PTPRM: variants seen among roughly 807,000 people sequenced by gnomAD.
The protein encoded by PTPRM is protein tyrosine phosphatase receptor type M.
In PTPRM, 47 loss-of-function variants were observed where a neutral mutation model predicts 186.7. The ratio of observed to expected loss-of-function variants is 0.25; its 90% CI spans 0.20 to 0.32. The LOEUF (loss-of-function observed/expected upper bound fraction) is 0.32. PTPRM is among the 10% of genes least tolerant of loss of function. PTPRM has a pLI of 1.00. For missense variants in PTPRM, 1,494 were observed against 1,865.0 expected, an observed-to-expected ratio of 0.80 and a Z score of 3.66; for synonymous variants, 668 against 674.9, an observed-to-expected ratio of 0.99 and a Z score of 0.16.
intron 7 of PTPRM, among the ~76,000 whole-genome samples, chr18:8,023,280 G>A (rs1353243252): frequency 6.6e-6 from 1 of 152,158 alleles, no homozygotes; most frequent in Non-Finnish European, 1.5e-5. Context: ...TCAGTCAAAT[G>A]AATTTAGAGA....
At chr18:8,317,957 A>C (rs779597644) in intron 21 of PTPRM, among the ~76,000 whole-genome samples, 10 of 152,188 alleles carry the variant, frequency 6.6e-5, no homozygotes, top group Non-Finnish European at 1.0e-4. Flanking sequence ...AGTTCTATTT[A>C]ATATTGGTCA....
In PTPRM at chr18:8,128,534, A is replaced by AGC. The variant is rs1410813399; in HGVS notation, c.2167+13707_2167+13708insGC. ...TGCAATACCAGCTGACTGCATTTTA[A>AGC]TGGGCTATAGTGTCACTGTTGATTT... On this transcript the variant is annotated intron_variant, in intron 13 of 32. Coordinates refer to ENST00000580170, the MANE Select transcript of PTPRM (RefSeq NM_001105244.2). Among the ~76,000 whole-genome samples the AGC allele has an allele frequency of 3.3e-5, 5 of 152,164 alleles. No individual in the cohort carries two copies. In the South Asian group the frequency reaches 1.0e-3, roughly 32 times the overall value.
intron 14 of PTPRM, among the ~76,000 whole-genome samples, chr18:8,218,481 G>A (rs998916773): frequency 6.6e-6 from 1 of 152,170 alleles, no homozygotes; most frequent in African/African-American, 2.4e-5. Context: ...AATTGAATAA[G>A]CAAGATGAAT....
At chr18:8,114,899 C>G in intron 13 of PTPRM, 72 bp downstream of exon 13, 1 of 1,238,118 alleles carries the variant, frequency 8.1e-7, no homozygotes, top group Non-Finnish European at 1.1e-6. Context: ...TGTTTCAAAA[C>G]TTTTTGAACT....
At chr18:8,352,781 C>T (rs1454496439) in intron 23 of PTPRM, among the ~76,000 whole-genome samples, 1 of 151,818 alleles carries the variant, frequency 6.6e-6, no homozygotes, top group African/African-American at 2.4e-5. Flanking sequence ...AAGCAATTCT[C>T]TGCCTCAGCC....
intron 14 of PTPRM, among the ~76,000 whole-genome samples, chr18:8,192,428 A>G (rs966871589): frequency 2.6e-5 from 4 of 152,182 alleles, no homozygotes; most frequent in African/African-American, 9.7e-5. Context: ...TTTTATGCCA[A>G]AATCAAGGTT....
At chr18:8,094,447 TA>T (rs2145424643) in intron 11 of PTPRM, among the ~76,000 whole-genome samples, 1 of 152,138 alleles carries the variant, frequency 6.6e-6, no homozygotes, top group South Asian at 2.1e-4. Flanking sequence ...TAAATCAATA[TA>T]GGGGCTAGAC....
intron 27 of PTPRM, 32 bp from the exon 28 acceptor site, chr18:8,379,135 T>C: frequency 6.5e-7 from 1 of 1,542,406 alleles, no homozygotes; most frequent in East Asian, 2.4e-5. Context: ...CCAAGGCTTC[T>C]TGTCCTCATG....
At chr18:8,316,575 C>T (rs1005026583) in intron 21 of PTPRM, among the ~76,000 whole-genome samples, 4 of 152,096 alleles carry the variant, frequency 2.6e-5, no homozygotes, top group Non-Finnish European at 2.9e-5. Context: ...AGTACTTGTG[C>T]GTTATTTACC....
At chr18:7,695,685 C>A (rs922819271) in intron 1 of PTPRM, among the ~76,000 whole-genome samples, 3 of 150,336 alleles carry the variant, frequency 2.0e-5, no homozygotes, top group African/African-American at 7.3e-5. Context: ...ATAGAATTAT[C>A]TGCTCTGTTG....
At chr18:8,105,525 T>TTATTGTATAATTTATTGTA (rs2091476790) in intron 11 of PTPRM, among the ~76,000 whole-genome samples, 1 of 152,236 alleles carries the variant, frequency 6.6e-6, no homozygotes, top group Non-Finnish European at 1.5e-5. Flanking sequence ...GAAACTTAAT[T>TTATTGTATAATTTATTGTA]TAACTTTCCC....
At chr18:7,894,765 C>T (rs906375213) in intron 3 of PTPRM, among the ~76,000 whole-genome samples, 2 of 152,030 alleles carry the variant, frequency 1.3e-5, no homozygotes, top group Admixed American at 6.6e-5. Context: ...AGGATATGGG[C>T]ATCTAAAGGA....
intron 13 of PTPRM, among the ~76,000 whole-genome samples, chr18:8,117,686 G>A (rs1316048187): frequency 6.6e-6 from 1 of 152,026 alleles, no homozygotes; most frequent in South Asian, 2.1e-4. Flanking sequence ...TATGCACCTA[G>A]ATGAATTTCC....
At chr18:8,181,418 G>A (rs8099632) in intron 14 of PTPRM, among the ~76,000 whole-genome samples, 92,872 of 152,080 alleles carry the variant, frequency 0.61, 28,947 homozygotes, top group Middle Eastern at 0.76. Context: ...CTATCACAGA[G>A]GGCGGCGACC....
chr18:7,972,479 T>TAAAAAAA (rs11445031), intron 7 of PTPRM, among the ~76,000 whole-genome samples: 1 of 44,368 alleles, frequency 2.3e-5, no homozygotes. Flanking sequence ...AAAAAAACAT[T>TAAAAAAA]AAAAAAAAAA....
chr18:8,247,173 T>C (rs1476169931), intron 15 of PTPRM, among the ~76,000 whole-genome samples: 1 of 152,152 alleles, frequency 6.6e-6, no homozygotes, highest in Non-Finnish European at 1.5e-5. Context: ...TTTTAAAATG[T>C]CTCTTAAAAT....
intron 7 of PTPRM, among the ~76,000 whole-genome samples, chr18:7,981,781 A>G (rs753165800): frequency 2.0e-5 from 3 of 152,262 alleles, no homozygotes; most frequent in Non-Finnish European, 4.4e-5. Context: ...GGTATAGCCA[A>G]GGCTCCTAGG....
At chr18:7,775,034 T>TA (rs1468385982) in intron 2 of PTPRM, among the ~76,000 whole-genome samples, 2 of 152,232 alleles carry the variant, frequency 1.3e-5, no homozygotes, top group Non-Finnish European at 2.9e-5. Context: ...GGATTTCAGA[T>TA]ACAACACAAT....
At chr18:7,892,342 A>G (rs1357892560) in intron 3 of PTPRM, among the ~76,000 whole-genome samples, 1 of 152,196 alleles carries the variant, frequency 6.6e-6, no homozygotes, top group African/African-American at 2.4e-5. Flanking sequence ...TAAAGGAATG[A>G]TGCGGTTTAT....
Sources: allele counts gnomAD v4.1 joint callset (sites outside exome capture counted in the v4.1 genomes callset), GRCh38; gene constraint gnomAD v4.1.1; transcripts MANE v1.5; gene names NCBI Gene and HGNC (gene_info 2026-07-23, HGNC 2026-07-21).